The following RBFOX1 variants were observed in gnomAD, a reference collection of about 807,000 sequenced individuals.
RBFOX1 encodes the protein RNA binding protein fox-1 homolog 1.
Under a neutral mutation model 57.7 loss-of-function variants are expected in RBFOX1, and 8 were observed. That is an observed-to-expected ratio of 0.14 (90% CI 0.08 to 0.25). RBFOX1 has a LOEUF of 0.25. Ranked by LOEUF, RBFOX1 falls within the 10% of genes least tolerant of loss-of-function variation. The pLI, the probability that RBFOX1 is intolerant of heterozygous loss-of-function variation, is 1.00. For synonymous variants in RBFOX1, 326 were observed against 222.4 expected (o/e 1.47, Z -4.15); for missense variants, 611 against 548.5 (o/e 1.11, Z -1.14).
chr16:5,657,095 A>G (rs1386138998), intron 3 of RBFOX1, among the ~76,000 whole-genome samples: 1 of 152,196 alleles, frequency 6.6e-6, no homozygotes, highest in Non-Finnish European at 1.5e-5. Flanking sequence ...AACTTAAAGT[A>G]AAATTTAGAA....
At chr16:6,846,352 G>A (rs1051914404) in intron 3 of RBFOX1, among the ~76,000 whole-genome samples, 9 of 152,270 alleles carry the variant, frequency 5.9e-5, no homozygotes, top group East Asian at 3.9e-4. Flanking sequence ...CTCACTTAAC[G>A]CAGGGTGGCT....
intron 3 of RBFOX1, among the ~76,000 whole-genome samples, chr16:7,010,645 G>A (rs1276418231): frequency 6.6e-6 from 1 of 151,952 alleles, no homozygotes; most frequent in South Asian, 2.1e-4. Flanking sequence ...TGGCTCTCTG[G>A]TACCGCCTCC....
At chr16:6,704,041 C>G (rs1188251118) in intron 3 of RBFOX1, 1 of 152,456 alleles carries the variant, frequency 6.6e-6, no homozygotes, top group Non-Finnish European at 1.5e-5. Flanking sequence ...CCATCTAATT[C>G]CCCCTCCTCC....
At chr16:5,858,771 G>T (rs1238863370) in intron 3 of RBFOX1, among the ~76,000 whole-genome samples, 1 of 152,230 alleles carries the variant, frequency 6.6e-6, no homozygotes, top group East Asian at 1.9e-4. Context: ...GAGGTAGGGA[G>T]ATGAATATCA....
rs189707545 is a variant in RBFOX1, at chr16:6,342,446, A to G, written c.-64+25389A>G. On this transcript the variant is annotated intron_variant, in intron 2 of 15. Coordinates refer to ENST00000550418, the MANE Select transcript of RBFOX1 (RefSeq NM_018723.4). ...TACAAAACGTCAAGGTGCTTAGCAT[A>G]GACTAGCCCATGAATGGCACATAAC... is the stretch of plus-strand genomic sequence containing the variant. Among the ~76,000 whole-genome samples, 108 of 152,312 alleles carry G rather than the reference A, an allele frequency of 7.1e-4. 1 individual carries two copies. The highest frequency in any genetic ancestry group is 2.1e-3 in the African/African-American group (86 of 41,576).
chr16:5,517,272 G>C (rs906817517), intron 2 of RBFOX1, among the ~76,000 whole-genome samples: 1 of 151,960 alleles, frequency 6.6e-6, no homozygotes, highest in Non-Finnish European at 1.5e-5. Flanking sequence ...GCAGAATTGC[G>C]CAGAATTGTT....
At chr16:6,653,122 C>G (rs1199355658) in intron 2 of RBFOX1, among the ~76,000 whole-genome samples, 1 of 152,110 alleles carries the variant, frequency 6.6e-6, no homozygotes, top group African/African-American at 2.4e-5. Flanking sequence ...GTTCTCTTCC[C>G]CAGTGGGCTA....
chr16:6,983,907 T>C (rs2089611359), intron 3 of RBFOX1, among the ~76,000 whole-genome samples: 1 of 152,138 alleles, frequency 6.6e-6, no homozygotes, highest in African/African-American at 2.4e-5. Flanking sequence ...TCTTAGCATG[T>C]AGTAATGTGT....
chr16:7,003,788 T>C (rs2093049907), intron 3 of RBFOX1, among the ~76,000 whole-genome samples: 1 of 152,112 alleles, frequency 6.6e-6, no homozygotes, highest in African/African-American at 2.4e-5. Context: ...AATAGAACTT[T>C]TTGGGATGAG....
chr16:5,987,747 A>C (rs1232998223), intron 4 of RBFOX1, among the ~76,000 whole-genome samples: 1 of 152,120 alleles, frequency 6.6e-6, no homozygotes, highest in Non-Finnish European at 1.5e-5. Context: ...GTTTAGTTTG[A>C]GGTTTATCTT....
intron 2 of RBFOX1, among the ~76,000 whole-genome samples, chr16:6,494,772 C>T (rs1567433753): frequency 6.6e-6 from 1 of 152,150 alleles, no homozygotes; most frequent in Non-Finnish European, 1.5e-5. Context: ...AAGTCAATGC[C>T]AGTTGCGTAC....
At chr16:6,194,375 T>C (rs1466517477) in intron 1 of RBFOX1, among the ~76,000 whole-genome samples, 3 of 152,110 alleles carry the variant, frequency 2.0e-5, no homozygotes, top group Non-Finnish European at 4.4e-5. Flanking sequence ...AAATAAAAAT[T>C]TGGTCATGCC....
intron 4 of RBFOX1, among the ~76,000 whole-genome samples, chr16:7,375,880 A>G (rs2097677174): frequency 6.6e-6 from 1 of 152,196 alleles, no homozygotes; most frequent in Admixed American, 6.5e-5. Context: ...CTTTGATATG[A>G]GATACTTTGC....
At chr16:6,641,198 T>C (rs1273692578) in intron 2 of RBFOX1, among the ~76,000 whole-genome samples, 2 of 152,184 alleles carry the variant, frequency 1.3e-5, no homozygotes, top group Non-Finnish European at 2.9e-5. Flanking sequence ...GCATCTTGGC[T>C]GTTTACGCTT....
intron 1 of RBFOX1, among the ~76,000 whole-genome samples, chr16:6,224,240 A>C (rs1222457081): frequency 6.6e-6 from 1 of 151,592 alleles, no homozygotes; most frequent in African/African-American, 2.4e-5. Flanking sequence ...CAATTCTGTG[A>C]AGAAAGTCAT....
chr16:6,836,586 C>T (rs552977764), intron 3 of RBFOX1, among the ~76,000 whole-genome samples: 1 of 152,186 alleles, frequency 6.6e-6, no homozygotes, highest in African/African-American at 2.4e-5. Flanking sequence ...ATCAAATCAT[C>T]TTTCAAGACT....
At chr16:6,098,846 G>A (rs1185964787) in intron 1 of RBFOX1, among the ~76,000 whole-genome samples, 5 of 152,156 alleles carry the variant, frequency 3.3e-5, no homozygotes, top group Admixed American at 2.6e-4. Context: ...GTTTCCAGGA[G>A]CACTAAGTGT....
intron 3 of RBFOX1, among the ~76,000 whole-genome samples, chr16:6,674,617 C>T (rs1485976016): frequency 6.6e-6 from 1 of 152,086 alleles, no homozygotes; most frequent in Non-Finnish European, 1.5e-5. Context: ...CCACCGTGCC[C>T]AGCCCGAATG....
chr16:7,709,218 T>C lies in RBFOX1; in HGVS notation c.1071+87T>C. On this transcript the variant is annotated intron_variant, in intron 15 of 15. Coordinates refer to ENST00000550418, the MANE Select transcript of RBFOX1 (RefSeq NM_018723.4). ...GACCTCAGTACGGGTTGACGTCCTC[T>C]CACTTCCCGTTAATTGAATTTGTCT... 2.4e-6 allele frequency: 3 copies of C among 1,258,552 alleles called. No individual in the cohort carries two copies. In the South Asian group the frequency reaches 4.1e-5, roughly 17 times the overall value. The allele number at this position is 1,258,552 out of a possible 1,614,324, so 78.0% of individuals were successfully genotyped here.
Sources: allele counts gnomAD v4.1 joint callset (sites outside exome capture counted in the v4.1 genomes callset), GRCh38; gene constraint gnomAD v4.1.1; transcripts MANE v1.5; gene names NCBI Gene and HGNC (gene_info 2026-07-23, HGNC 2026-07-21).